REST: variants seen among roughly 807,000 people sequenced by gnomAD.
REST encodes RE1-silencing transcription factor.
A neutral mutation model predicts 30.4 loss-of-function variants in REST; 1 was observed. That is an observed-to-expected ratio of 0.03 (90% CI 0.01 to 0.16). The LOEUF (loss-of-function observed/expected upper bound fraction) is 0.16. Among genes scored for constraint, REST ranks in the 10% least tolerant of loss-of-function variants. The probability of loss-of-function intolerance (pLI) is 1.00; values close to 1 mark genes in which losing one functional copy is unlikely to be tolerated. For synonymous variants in REST, 504 were observed against 451.1 expected, an observed-to-expected ratio of 1.12 and a Z score of -1.49; for missense variants, 1,259 against 1,329.5, an observed-to-expected ratio of 0.95 and a Z score of 0.82.
At chr4:56,925,680 T>C (rs2109561354) in intron 3 of REST, among the ~76,000 whole-genome samples, 1 of 152,320 alleles carries the variant, frequency 6.6e-6, no homozygotes, top group Admixed American at 6.5e-5. Flanking sequence ...AATTTAAAAT[T>C]GTTTGTACAG....
At chr4:56,915,319 C>G (rs1720145413) in intron 2 of REST, among the ~76,000 whole-genome samples, 1 of 130,534 alleles carries the variant, frequency 7.7e-6, no homozygotes, top group African/African-American at 3.0e-5. Flanking sequence ...GATCTCTGTT[C>G]ACTGCAACCT....
chr4:56,911,779 C>T lies in REST; in HGVS notation c.898+243C>T, dbSNP rs3000. On this transcript the variant is annotated intron_variant, in intron 2 of 3. Transcript: ENST00000309042. ...AAGCACAGAGGAACAGCCAAGAGAT[C>T]TTACCGTGGTCTTACTAAAGTACAT... 0.36 allele frequency among the ~76,000 whole-genome samples: 54,701 copies of T among 152,030 alleles called. 10,113 individuals carry two copies. The highest frequency in any genetic ancestry group is 0.49 in the Middle Eastern group (144 of 294).
At chr4:56,916,894 T>G (rs904711034) in intron 2 of REST, among the ~76,000 whole-genome samples, 1 of 152,234 alleles carries the variant, frequency 6.6e-6, no homozygotes, top group Admixed American at 6.5e-5. Context: ...AGCGTGAGAT[T>G]GTGGGGCAGT....
At chr4:56,925,462 C>T (rs1361797800) in intron 3 of REST, among the ~76,000 whole-genome samples, 1 of 152,110 alleles carries the variant, frequency 6.6e-6, no homozygotes, top group Non-Finnish European at 1.5e-5. Flanking sequence ...TCTTCCTCAC[C>T]TCATCCTCCC....
Position 56,931,287 on chromosome 4 carries a change from T to C in REST, c.2429T>C (p.Ile810Thr), listed in dbSNP as rs1720960031. The C allele has an allele frequency of 2.5e-6, 4 of 1,614,096 alleles. No homozygotes were observed. The Admixed American group carries it at 5.0e-5, about 20-fold the overall frequency. The change falls in exon 4 of 4, where the codon ATT (isoleucine) becomes ACT (threonine). Residue 810 changes from isoleucine (I) to threonine (T), a missense_variant. Around this residue, in one of 5 missense-constraint regions of REST, gnomAD observed 856 missense variants for 772.8 expected, o/e 1.11. Coordinates refer to ENST00000309042, the MANE Select transcript of REST (RefSeq NM_005612.5). ...PREPPLHMEP[I>T]SKKPPLRKDK... ...GAGCCTCCCCTTCACATGGAGCCAA[T>C]TTCCAAAAAGCCTCCTCTCCGAAAA...
rs572016877 is a variant in REST at position 56,930,951 on chromosome 4, T to G, written c.2093T>G (p.Val698Gly). The G allele has an allele frequency of 1.2e-6, 2 of 1,611,990 alleles. No individual in the cohort carries two copies. The highest frequency in any genetic ancestry group is 4.5e-5 in the East Asian group (2 of 44,682). The part of the protein sequence containing the change: ...PPPMETAQTE[V>G]AQMGPAPMEP... Reference sequence around the variant, plus strand: ...CCCATGGAGACTGCTCAGACGGAGGTTGCCCAAATGGGGCCTGCTCCCATG... The same window carrying G: ...CCCATGGAGACTGCTCAGACGGAGGGTGCCCAAATGGGGCCTGCTCCCATG... The change falls in exon 4 of 4, where the codon GTT becomes GGT. Residue 698 changes from valine (V) to glycine (G), a missense_variant. This residue lies in a region of REST where 856 missense variants were observed against 772.8 expected (regional missense o/e 1.11). Coordinates refer to ENST00000309042, the MANE Select transcript of REST (RefSeq NM_005612.5).
chr4:56,908,970 C>A (rs1719761875), intron 1 of REST: 1 of 151,564 alleles, frequency 6.6e-6, no homozygotes, highest in African/African-American at 2.4e-5. Context: ...CGGCCCTGGG[C>A]GTTGGGCGAG....
chr4:56,930,177 A>G lies in REST; in HGVS notation c.1319A>G (p.Asn440Ser). The change falls in exon 4 of 4, where the codon AAT becomes AGT. Residue 440 changes from asparagine to serine, a missense_variant. Physicochemically the swap from Asn to Ser is conservative, Grantham distance 46. Coordinates refer to ENST00000309042, the MANE Select transcript of REST (RefSeq NM_005612.5). The part of the protein sequence containing the change: ...TKKREADLPD[N>S]ITNEKTEIEQ... ...AAACGAGAGGCTGACTTGCCTGATA[A>G]TATTACCAATGAAAAAACAGAAATA... 1 of 1,610,472 alleles carries G rather than the reference A, an allele frequency of 6.2e-7. No individual in the cohort carries two copies. The highest frequency in any genetic ancestry group is 8.5e-7 in the Non-Finnish European group (1 of 1,179,272).
In REST at chr4:56,930,636, G is replaced by A. The variant is rs890164945; in HGVS notation, c.1778G>A (p.Ser593Asn). 75 of 1,613,228 alleles carry A rather than the reference G, an allele frequency of 4.6e-5. No homozygotes were observed. The highest frequency in any genetic ancestry group is 6.1e-5 in the Non-Finnish European group (72 of 1,179,930). ...AAAAATAAATCAAGTAAGAAAAGCAGTAAGCCTCCTCAGAAGGAACCTGTT... is the reference window on the plus strand; with the variant it reads ...AAAAATAAATCAAGTAAGAAAAGCAATAAGCCTCCTCAGAAGGAACCTGTT... ...TLKNKSSKKS[S>N]KPPQKEPVEK... Residue 593 changes from serine (S) to asparagine (N), a missense_variant, in exon 4 of 4, where the codon AGT (serine) becomes AAT (asparagine). By Grantham distance (46) the Ser-to-Asn change is conservative. Transcript: ENST00000309042.
chr4:56,908,136 A>C lies in REST; in HGVS notation c.-87A>C. ...CACCCTCCCCCACCTCTCCCCCGAA[A>C]CTCCAGCAACAAAGAAAAGTAGTCG... On this transcript the variant is annotated 5_prime_UTR_variant, in exon 1 of 4. Coordinates refer to ENST00000309042, the MANE Select transcript of REST (RefSeq NM_005612.5). 1 of 246,566 alleles carries C rather than the reference A, an allele frequency of 4.1e-6. No individual in the cohort carries two copies. The highest frequency in any genetic ancestry group is 7.8e-6 in the Non-Finnish European group (1 of 128,478). The allele number at this position is 246,566 out of a possible 1,614,324, so 15.3% of individuals were successfully genotyped here. A position where few individuals can be genotyped will look rare whatever the true frequency, so the allele number is the denominator to read the frequency against.
At chr4:56,914,244 T>G (rs1720073472) in intron 2 of REST, among the ~76,000 whole-genome samples, 1 of 152,182 alleles carries the variant, frequency 6.6e-6, no homozygotes, top group African/African-American at 2.4e-5. Flanking sequence ...TTTTAAAAAT[T>G]TATTTTATTT....
chr4:56,920,389 G>A (rs1560446750), intron 3 of REST, among the ~76,000 whole-genome samples: 2 of 149,974 alleles, frequency 1.3e-5, no homozygotes, highest in South Asian at 2.1e-4. Context: ...AATTTATTAA[G>A]CTGTATTAAG....
At chr4:56,919,730 A>T (rs1560446479) in intron 2 of REST, 57 bp from the exon 3 acceptor site, 2 of 1,065,554 alleles carry the variant, frequency 1.9e-6, no homozygotes, top group East Asian at 4.8e-5. Context: ...GTTAGTGAGA[A>T]TTGTATTTGG....
At chr4:56,912,324 T>TA (rs1233573833) in intron 2 of REST, among the ~76,000 whole-genome samples, 1 of 147,300 alleles carries the variant, frequency 6.8e-6, no homozygotes, top group East Asian at 2.0e-4. Flanking sequence ...CGCAACTGTA[T>TA]AAAAAAAGTT....
intron 1 of REST, 46 bp downstream of exon 1, chr4:56,908,259 C>A (rs1719709464): frequency 4.7e-6 from 1 of 214,634 alleles, no homozygotes; most frequent in African/African-American, 2.3e-5. Flanking sequence ...TGGGGGAGGG[C>A]CGCCCGGGCG....
chr4:56,908,743 C>A (rs1378153199), intron 1 of REST, among the ~76,000 whole-genome samples: 1 of 151,822 alleles, frequency 6.6e-6, no homozygotes, highest in East Asian at 1.9e-4. Context: ...CGGGGCTGGA[C>A]AGCGATTTCT....
rs533054230 is a variant in REST at position 56,918,734 on chromosome 4, A to G, written c.899-1053A>G. Among the ~76,000 whole-genome samples the G allele has an allele frequency of 2.0e-4, 31 of 151,932 alleles. No individual in the cohort carries two copies. In the East Asian group the frequency reaches 4.5e-3, roughly 22 times the overall value. ...ACCCAGGCTGGAGCACGGTGGTACA[A>G]TCATGGCTCACACCAGCCTCATCCT... On this transcript the variant is annotated intron_variant, in intron 2 of 3. Transcript: ENST00000309042.
chr4:56,923,039 GGTTTGCAAAATGTTTTGAGTTTTGCC>G, intron 3 of REST, among the ~76,000 whole-genome samples: 1 of 152,092 alleles, frequency 6.6e-6, no homozygotes, highest in African/African-American at 2.4e-5. Flanking sequence ...GTTGTATTTG[GGTTTGCAAAATGTTTTGAGTTTTGCC>G]TGCTGTATTT....
Position 56,931,647 on chromosome 4 carries a change from A to T in REST, c.2789A>T (p.Glu930Val). The change falls in exon 4 of 4, where the codon GAG (glutamate) becomes GTG (valine). Residue 930 changes from glutamate (E) to valine (V), a missense_variant. Transcript: ENST00000309042. ...TCTGGACAAAACTTGAATACGCCAGAGGGTGAAACTTTAAATGGTAAACAT... is the reference window on the plus strand; with the variant it reads ...TCTGGACAAAACTTGAATACGCCAGTGGGTGAAACTTTAAATGGTAAACAT... ...SSSGQNLNTP[E>V]GETLNGKHQT... 4 of 1,614,252 alleles carry T rather than the reference A, an allele frequency of 2.5e-6. No individual in the cohort carries two copies. The highest frequency in any genetic ancestry group is 3.4e-6 in the Non-Finnish European group (4 of 1,180,052).
Sources: allele counts gnomAD v4.1 joint callset (sites outside exome capture counted in the v4.1 genomes callset), GRCh38; gene constraint gnomAD v4.1.1; regional missense constraint gnomAD v4.1.1; transcripts MANE v1.5; gene names NCBI Gene and HGNC (gene_info 2026-07-23, HGNC 2026-07-21).